The following PCDH7 variants were observed in gnomAD, a reference collection of about 807,000 sequenced individuals.
PCDH7 encodes protocadherin-7.
A neutral mutation model predicts 58.9 loss-of-function variants in PCDH7; 17 were observed. The observed-to-expected ratio is 0.29, with a 90% confidence interval of 0.20 to 0.43. The LOEUF is 0.43. Among genes scored for constraint, PCDH7 ranks in the 20% least tolerant of loss-of-function variants. The pLI is 1.00. For synonymous variants in PCDH7, 664 were observed against 616.4 expected, an observed-to-expected ratio of 1.08 and a Z score of -1.14; for missense variants, 1,274 against 1,441.0, an observed-to-expected ratio of 0.88 and a Z score of 1.88.
Position 30,778,272 on chromosome 4 carries a change from G to A in PCDH7, c.70+53676G>A, listed in dbSNP as rs1168955350. On this transcript the variant is annotated intron_variant, in intron 1 of 3. Transcript: ENST00000509759. Reference sequence around the variant, plus strand: ...GACTTTAATTAAACTAATACATCACGCTGCACTTATAATACAAAAGAGCAA... The same window carrying A: ...GACTTTAATTAAACTAATACATCACACTGCACTTATAATACAAAAGAGCAA... Among the ~76,000 whole-genome samples the A allele has an allele frequency of 2.6e-5, 4 of 152,122 alleles. No individual in the cohort carries two copies. In the South Asian group the frequency reaches 6.2e-4, roughly 24 times the overall value.
intron 1 of PCDH7, among the ~76,000 whole-genome samples, chr4:30,867,438 C>G (rs1312836916): frequency 6.6e-6 from 1 of 152,054 alleles, no homozygotes; most frequent in Non-Finnish European, 1.5e-5. Context: ...GCACCTAATA[C>G]TCAAATCATT....
At chr4:30,979,673 A>C (rs1308378216) in intron 3 of PCDH7, among the ~76,000 whole-genome samples, 2 of 151,922 alleles carry the variant, frequency 1.3e-5, no homozygotes, top group Non-Finnish European at 2.9e-5. Context: ...ATTCTGTCTA[A>C]TAGTGTTACT....
intron 1 of PCDH7, among the ~76,000 whole-genome samples, chr4:30,899,520 T>C (rs1037389483): frequency 6.6e-6 from 1 of 152,174 alleles, no homozygotes; most frequent in African/African-American, 2.4e-5. Context: ...ATATACTATA[T>C]CATCTGCTGC....
intron 3 of PCDH7, among the ~76,000 whole-genome samples, chr4:31,000,707 CAT>C (rs1340019056): frequency 2.0e-5 from 3 of 151,908 alleles, no homozygotes; most frequent in African/African-American, 7.3e-5. Context: ...TCCTACAAAA[CAT>C]GTGACACAAA....
chr4:31,062,763 A>G (rs1437945988), intron 3 of PCDH7, among the ~76,000 whole-genome samples: 1 of 151,870 alleles, frequency 6.6e-6, no homozygotes, highest in Non-Finnish European at 1.5e-5. Flanking sequence ...TGTGTGTCCC[A>G]TGAAACCTGA....
chr4:30,861,969 A>G lies in PCDH7; in HGVS notation c.71-58184A>G, dbSNP rs185062591. On this transcript the variant is annotated intron_variant, in intron 1 of 3. Transcript: ENST00000509759. ...GTATAAATTCTATACATGGGAAAAT[A>G]TAATCCTACTTAGGGCATGTTAAGA... 3.9e-5 allele frequency among the ~76,000 whole-genome samples: 6 copies of G among 152,256 alleles called. No homozygotes were observed. In the East Asian group the frequency reaches 1.2e-3, roughly 29 times the overall value.
intron 3 of PCDH7, among the ~76,000 whole-genome samples, chr4:31,026,546 C>T (rs778435928): frequency 1.2e-4 from 18 of 152,166 alleles, no homozygotes; most frequent in Admixed American, 3.9e-4. Context: ...TTTATGTATT[C>T]CCTTTAAAGC....
At chr4:30,976,838 C>A (rs1300584207) in intron 3 of PCDH7, among the ~76,000 whole-genome samples, 2 of 152,038 alleles carry the variant, frequency 1.3e-5, no homozygotes, top group Non-Finnish European at 2.9e-5. Context: ...CAAGAGTAAA[C>A]AATTATGCCA....
chr4:30,890,726 T>C (rs752973986), intron 1 of PCDH7, among the ~76,000 whole-genome samples: 2 of 152,134 alleles, frequency 1.3e-5, no homozygotes, highest in Non-Finnish European at 2.9e-5. Flanking sequence ...AAGATATTTA[T>C]GGAGAGGTGC....
chr4:30,868,092 G>C (rs1735100830), intron 1 of PCDH7, among the ~76,000 whole-genome samples: 1 of 151,974 alleles, frequency 6.6e-6, no homozygotes, highest in South Asian at 2.1e-4. Context: ...AGTCCTGTCA[G>C]AAATGTATTC....
At chr4:31,063,548 C>T (rs1757855603) in intron 3 of PCDH7, among the ~76,000 whole-genome samples, 2 of 151,400 alleles carry the variant, frequency 1.3e-5, no homozygotes, top group Non-Finnish European at 1.5e-5. Flanking sequence ...TATTATTTTC[C>T]TCCATTTCAC....
At chr4:30,737,400 G>A (rs1716451602), downstream of PCDH7, among the ~76,000 whole-genome samples, 1 of 152,030 alleles carries the variant, frequency 6.6e-6, no homozygotes, top group East Asian at 1.9e-4. Context: ...CACCTGTAAT[G>A]TCAACACTTT....
intron 3 of PCDH7, among the ~76,000 whole-genome samples, chr4:31,138,985 AAAAAG>A (rs1719938375): frequency 1.3e-5 from 2 of 151,592 alleles, no homozygotes; most frequent in African/African-American, 4.9e-5. Flanking sequence ...CAAAAAAAAA[AAAAAG>A]AAAAGAAAAA....
chr4:30,754,277 C>T (rs557133045), intron 1 of PCDH7, among the ~76,000 whole-genome samples: 1 of 152,060 alleles, frequency 6.6e-6, no homozygotes, highest in South Asian at 2.1e-4. Flanking sequence ...AAAAGTTTAG[C>T]TCTGTATCAG....
intron 3 of PCDH7, among the ~76,000 whole-genome samples, chr4:31,005,294 C>A (rs1387653324): frequency 6.6e-6 from 1 of 152,066 alleles, no homozygotes. Context: ...TTGCTGTGAG[C>A]CTTTCCCCAG....
At chr4:31,075,731 C>G (rs1284898875) in intron 3 of PCDH7, among the ~76,000 whole-genome samples, 1 of 152,180 alleles carries the variant, frequency 6.6e-6, no homozygotes, top group Non-Finnish European at 1.5e-5. Flanking sequence ...GGGATAACAT[C>G]TATAACCACC....
At chr4:30,730,834 C>T (rs371585640) in exon 2 of PCDH7, 407 of 1,542,628 alleles carry the variant, frequency 2.6e-4, no homozygotes, top group Non-Finnish European at 3.5e-4. Context: ...ACTGTGATGA[C>T]CTTTCTACTC....
chr4:30,876,713 C>A (rs548781073), intron 1 of PCDH7, among the ~76,000 whole-genome samples: 1 of 151,884 alleles, frequency 6.6e-6, no homozygotes, highest in Admixed American at 6.6e-5. Flanking sequence ...TTACCTGTAA[C>A]AAATAATTTG....
chr4:31,142,596 C>T, exon 4 of PCDH7: 1 of 1,367,752 alleles, frequency 7.3e-7, no homozygotes, highest in South Asian at 1.1e-5. Flanking sequence ...AAGAGCCAGC[C>T]TAAACTGTCC....
Sources: allele counts gnomAD v4.1 joint callset (sites outside exome capture counted in the v4.1 genomes callset), GRCh38; gene constraint gnomAD v4.1.1; transcripts MANE v1.5; gene names NCBI Gene and HGNC (gene_info 2026-07-23, HGNC 2026-07-21).